The following ENOX1 variants were observed in gnomAD, a reference collection of about 807,000 sequenced individuals.
ENOX1 encodes candidate growth-related and time keeping constitutive hydroquinone (NADH) oxidase.
In ENOX1, 42 loss-of-function variants were observed where a neutral mutation model predicts 82.5. The observed-to-expected ratio is 0.51, with a 90% CI of 0.40 to 0.66. The LOEUF (loss-of-function observed/expected upper bound fraction) is 0.66, where lower values mean the gene tolerates loss of function less well. ENOX1 is among the 30% of genes least tolerant of loss of function. The pLI is 0.00. For missense variants in ENOX1, 608 were observed against 811.6 expected, an observed-to-expected ratio of 0.75 and a Z score of 3.05; for synonymous variants, 271 against 282.2, an observed-to-expected ratio of 0.96 and a Z score of 0.40.
chr13:43,415,232 GTTTT>G (rs71202260), intron 3 of ENOX1, among the ~76,000 whole-genome samples: 55 of 54,638 alleles, frequency 1.0e-3, no homozygotes, highest in Non-Finnish European at 1.3e-3. Context: ...CCAATCCAAT[GTTTT>G]TTTTTTTTTT....
At chr13:43,449,311 A>G (rs1237907443) in intron 3 of ENOX1, among the ~76,000 whole-genome samples, 1 of 152,214 alleles carries the variant, frequency 6.6e-6, no homozygotes, top group Non-Finnish European at 1.5e-5. Flanking sequence ...TACCTCCTAG[A>G]AACAAGTGGT....
At chr13:43,645,528 C>G (rs181922262) in intron 2 of ENOX1, among the ~76,000 whole-genome samples, 4 of 152,278 alleles carry the variant, frequency 2.6e-5, no homozygotes, top group African/African-American at 9.6e-5. Flanking sequence ...CTTTCATTTA[C>G]TACTGTAACT....
At chr13:43,604,468 T>C (rs2081890702) in intron 2 of ENOX1, among the ~76,000 whole-genome samples, 1 of 152,222 alleles carries the variant, frequency 6.6e-6, no homozygotes. Context: ...TGGTTGGTTA[T>C]GACTTTTATT....
At chr13:43,275,363 T>G (rs566289079) in intron 12 of ENOX1, among the ~76,000 whole-genome samples, 5 of 152,316 alleles carry the variant, frequency 3.3e-5, no homozygotes, top group South Asian at 2.1e-4. Flanking sequence ...TAGATGACAG[T>G]GCAAATACCC....
chr13:43,659,354 G>A (rs1356844239), intron 2 of ENOX1, among the ~76,000 whole-genome samples: 3 of 152,034 alleles, frequency 2.0e-5, no homozygotes, highest in African/African-American at 4.8e-5. Context: ...CCAGGTGGTA[G>A]TGGCACGCGC....
intron 3 of ENOX1, among the ~76,000 whole-genome samples, chr13:43,440,294 A>G (rs985046813): frequency 3.3e-5 from 5 of 152,198 alleles, no homozygotes; most frequent in African/African-American, 1.2e-4. Context: ...TGAATTATTG[A>G]GAAACTTAGA....
At chr13:43,382,103 G>A (rs775339450) in intron 5 of ENOX1, among the ~76,000 whole-genome samples, 7 of 152,058 alleles carry the variant, frequency 4.6e-5, no homozygotes, top group Non-Finnish European at 1.0e-4. Context: ...GAACTTTGAT[G>A]CAAATTCTAA....
intron 13 of ENOX1, 136 bp downstream of exon 13, chr13:43,269,334 T>C (rs1420282602): frequency 7.3e-6 from 5 of 681,998 alleles, no homozygotes; most frequent in African/African-American, 3.5e-5. Flanking sequence ...GCAAAGCTGC[T>C]AGGAAGTTTG....
chr13:43,265,281 T>C, intron 14 of ENOX1, 117 bp downstream of exon 14: 2 of 807,956 alleles, frequency 2.5e-6, no homozygotes, highest in Non-Finnish European at 1.9e-6. Context: ...ATATTAATCT[T>C]AAGCTGCTGA....
intron 12 of ENOX1, among the ~76,000 whole-genome samples, chr13:43,277,134 A>G (rs1247500037): frequency 1.3e-5 from 2 of 152,212 alleles, no homozygotes; most frequent in African/African-American, 4.8e-5. Flanking sequence ...ACAGCCTAAT[A>G]TGCTATTACA....
At chr13:43,273,921 GAATGAATA>G (rs760476303) in intron 12 of ENOX1, among the ~76,000 whole-genome samples, 16 of 152,084 alleles carry the variant, frequency 1.1e-4, no homozygotes, top group African/African-American at 3.1e-4. Context: ...AATAGCTGCT[GAATGAATA>G]AATGAATAAA....
chr13:43,278,359 C>T (rs1489492561), intron 12 of ENOX1, among the ~76,000 whole-genome samples: 1 of 152,126 alleles, frequency 6.6e-6, no homozygotes, highest in Non-Finnish European at 1.5e-5. Context: ...CTCCAGCCTC[C>T]TGTAGCACTA....
At chr13:43,758,188 A>T (rs1950757713) in intron 1 of ENOX1, among the ~76,000 whole-genome samples, 1 of 152,130 alleles carries the variant, frequency 6.6e-6, no homozygotes, top group South Asian at 2.1e-4. Context: ...GTGAGCCAAG[A>T]TCACATCACT....
chr13:43,768,280 T>A (rs1433089169), intron 1 of ENOX1, among the ~76,000 whole-genome samples: 1 of 152,174 alleles, frequency 6.6e-6, no homozygotes, highest in Non-Finnish European at 1.5e-5. Context: ...CCAATCAAAT[T>A]TTCTGTAATG....
At chr13:43,494,772 G>A (rs1403717607) in intron 2 of ENOX1, among the ~76,000 whole-genome samples, 2 of 152,102 alleles carry the variant, frequency 1.3e-5, no homozygotes, top group Non-Finnish European at 2.9e-5. Context: ...GAAGATGAAC[G>A]TGGCATCAAA....
chr13:43,445,769 G>A (rs971147669), intron 3 of ENOX1, among the ~76,000 whole-genome samples: 1 of 152,190 alleles, frequency 6.6e-6, no homozygotes, highest in African/African-American at 2.4e-5. Context: ...ATCACCAAAA[G>A]CAAAAGAGCC....
rs1951409498 is a variant in ENOX1, at chr13:43,768,465, T to C, written c.-285+18187A>G. ...ACAAAACACAACAAAACAAAACAAA[T>C]TTTAAAACTACCCAGGCATGGTGGC... On this transcript the variant is annotated intron_variant, in intron 1 of 16. Coordinates refer to ENST00000690772, the MANE Select transcript of ENOX1 (RefSeq NM_001347969.2). Among the ~76,000 whole-genome samples, 3 of 152,068 alleles carry C rather than the reference T, an allele frequency of 2.0e-5. No homozygotes were observed. The South Asian group carries it at 6.2e-4, about 32-fold the overall frequency.
At position 43,484,210 on chromosome 13, in the gene ENOX1, AATG is replaced by A. The variant is rs1190035450; in HGVS notation, c.-218-61_-218-59del. ...TGTCTAAAGTACCATTACTGCCTGT[AATG>A]GTATTATTATCACTTATATGTGTTA... On this transcript the variant is annotated intron_variant, in intron 2 of 16. Coordinates refer to ENST00000690772, the MANE Select transcript of ENOX1 (RefSeq NM_001347969.2). The A allele has an allele frequency of 5.2e-5, 48 of 915,422 alleles. No individual in the cohort carries two copies. The East Asian group carries it at 3.8e-3, about 72-fold the overall frequency. 56.7% of individuals were successfully genotyped at this position (915,422 alleles called of 1,614,324 possible).
At chr13:43,737,224 T>C (rs1450547382) in intron 1 of ENOX1, among the ~76,000 whole-genome samples, 1 of 152,222 alleles carries the variant, frequency 6.6e-6, no homozygotes, top group Non-Finnish European at 1.5e-5. Flanking sequence ...GGTTTTTCCA[T>C]TTCTAGACAA....
Sources: gnomAD v4.1 joint callset for allele counts (sites outside exome capture counted in the v4.1 genomes callset) on GRCh38, gnomAD v4.1.1 for gene constraint, MANE v1.5 for transcripts, NCBI Gene and HGNC (gene_info 2026-07-23, HGNC 2026-07-21) for gene names.